Variants in DCAF6 observed in about 807,000 individuals in gnomAD.
The protein encoded by DCAF6 is DDB1- and CUL4-associated factor 6.
Under a neutral mutation model 125.1 loss-of-function variants are expected in DCAF6, and 54 were observed. The ratio of observed to expected loss-of-function variants is 0.43; its 90% CI spans 0.35 to 0.54. The LOEUF is 0.54. Ranked by LOEUF, DCAF6 falls within the 20% of genes least tolerant of loss-of-function variation. The pLI is 0.01. For missense variants in DCAF6, 934 were observed against 1,161.7 expected (o/e 0.80, Z 2.85); for synonymous variants, 371 against 390.4 (o/e 0.95, Z 0.58).
intron 2 of DCAF6, among the ~76,000 whole-genome samples, chr1:167,962,791 C>G (rs1275022889): frequency 6.6e-6 from 1 of 152,006 alleles, no homozygotes; most frequent in Non-Finnish European, 1.5e-5. Flanking sequence ...TCTGTCTCTA[C>G]TAAAAATACA....
At chr1:168,016,201 ATATT>A (rs1447108366) in intron 11 of DCAF6, among the ~76,000 whole-genome samples, 2 of 152,150 alleles carry the variant, frequency 1.3e-5, no homozygotes, top group African/African-American at 4.8e-5. Flanking sequence ...AGAGGGGCAA[ATATT>A]TATTACTTTT....
rs59674650 is a variant in DCAF6 at position 168,072,294 on chromosome 1, T to TAAAAAA, written c.2792-3051_2792-3046dup. Among the ~76,000 whole-genome samples, 163 of 41,028 alleles carry TAAAAAA rather than the reference T, an allele frequency of 4.0e-3. 1 individual carries two copies. Among genetic ancestry groups the TAAAAAA allele is most frequent in the Admixed American group, 4.7e-3 (10 of 2,108 alleles). The allele number at this position is 41,028 out of a possible 152,430, so 26.9% of individuals were successfully genotyped here. A position where few individuals can be genotyped will look rare whatever the true frequency, so the allele number is the denominator to read the frequency against. On this transcript the variant is annotated intron_variant, in intron 21 of 21. Transcript: ENST00000367840. ...CCTGGTGACAGAGGGAGAATCAGTC[T>TAAAAAA]AAAAAAAAAAAAAAAAAAAAAAAAA...
chr1:168,057,613 C>CACATA (rs778053664), intron 17 of DCAF6, among the ~76,000 whole-genome samples: 79 of 152,086 alleles, frequency 5.2e-4, no homozygotes, highest in Non-Finnish European at 9.7e-4. Context: ...GTGCTAGATA[C>CACATA]TCTGGTGGGT....
chr1:167,912,606 T>TG, the DCAF6 span, among the ~76,000 whole-genome samples: 15 of 152,366 alleles, frequency 9.8e-5, no homozygotes, highest in South Asian at 2.3e-3. Flanking sequence ...TCCACCCCAC[T>TG]GGGGGTTCCC....
the DCAF6 span, among the ~76,000 whole-genome samples, chr1:167,877,420 T>G: frequency 1.3e-5 from 2 of 151,800 alleles, no homozygotes; most frequent in Non-Finnish European, 2.9e-5. Context: ...TAAAGACACC[T>G]TGACCCAACT....
the DCAF6 span, among the ~76,000 whole-genome samples, chr1:167,907,447 G>A: frequency 6.6e-6 from 1 of 152,172 alleles, no homozygotes; most frequent in Non-Finnish European, 1.5e-5. Flanking sequence ...ACCCAAACTG[G>A]AATATTCTGG....
chr1:167,967,445 T>C (rs1676585191), intron 3 of DCAF6, among the ~76,000 whole-genome samples: 1 of 152,188 alleles, frequency 6.6e-6, no homozygotes, highest in South Asian at 2.1e-4. Flanking sequence ...TTCAGAGAAA[T>C]TAAGATACTG....
intron 12 of DCAF6, among the ~76,000 whole-genome samples, chr1:168,029,416 C>G (rs1268556353): frequency 1.3e-5 from 2 of 152,138 alleles, no homozygotes; most frequent in Admixed American, 1.3e-4. Context: ...ACGTAAATGC[C>G]TACCTACCTT....
intron 4 of DCAF6, among the ~76,000 whole-genome samples, chr1:167,976,886 G>GT (rs397981860): frequency 0.012 from 469 of 38,044 alleles, 109 homozygotes; most frequent in Non-Finnish European, 0.015. Context: ...TCCTTTAGCA[G>GT]TTTTTTTTTT....
chr1:167,920,625 C>T, the DCAF6 span: 4 of 1,613,422 alleles, frequency 2.5e-6, no homozygotes, highest in Non-Finnish European at 3.4e-6. Context: ...CCAGCACACA[C>T]CAACCCCTAC....
chr1:167,877,263 T>C, the DCAF6 span, among the ~76,000 whole-genome samples: 3 of 147,942 alleles, frequency 2.0e-5, no homozygotes, highest in African/African-American at 5.0e-5. Flanking sequence ...ATATTAAGAC[T>C]GGATTATATA....
intron 18 of DCAF6, among the ~76,000 whole-genome samples, chr1:168,065,095 G>A (rs1023529381): frequency 2.6e-5 from 4 of 152,114 alleles, no homozygotes; most frequent in African/African-American, 9.7e-5. Context: ...TATGTAAATT[G>A]CCATTATACT....
chr1:167,923,240 T>C, the DCAF6 span, among the ~76,000 whole-genome samples: 1,786 of 152,306 alleles, frequency 0.012, 27 homozygotes, highest in African/African-American at 0.04. Context: ...CAGATTCTTG[T>C]ACATCAATGT....
In DCAF6 at chr1:168,043,131, A is replaced by T; in HGVS notation, c.1834A>T (p.Ser612Cys). 2.5e-5 allele frequency: 40 copies of T among 1,611,062 alleles called. No homozygotes were observed. Among genetic ancestry groups the T allele is most frequent in the Non-Finnish European group, 3.3e-5 (39 of 1,177,966 alleles). ...QSSVQPPEGDSETKAPEESSE... is the reference protein window; with the variant it reads ...QSSVQPPEGDCETKAPEESSE... Reference sequence around the variant, plus strand: ...CTCAGTGCAACCACCAGAAGGAGACAGTGAAACAAGTAAGGTGTTATTTTG... The same window carrying T: ...CTCAGTGCAACCACCAGAAGGAGACTGTGAAACAAGTAAGGTGTTATTTTG... The change falls in exon 14 of 22, where the codon AGT becomes TGT. Residue 612 changes from serine (S) to cysteine (C), a missense_variant. Ser to Cys is a moderately radical substitution (Grantham distance 112, BLOSUM62 -1). Around this residue, in one of 5 missense-constraint regions of DCAF6, gnomAD observed 559 missense variants for 635.5 expected, o/e 0.88. Transcript: ENST00000367840.
chr1:168,065,009 A>G (rs751761453), intron 18 of DCAF6, among the ~76,000 whole-genome samples: 2 of 152,294 alleles, frequency 1.3e-5, no homozygotes, highest in Non-Finnish European at 2.9e-5. Context: ...ACAAAAGACA[A>G]TTTCTTTTAT....
chr1:167,898,724 T>C, the DCAF6 span, among the ~76,000 whole-genome samples: 1 of 152,078 alleles, frequency 6.6e-6, no homozygotes, highest in African/African-American at 2.4e-5. Flanking sequence ...GTGAGGGTTG[T>C]AGGCTGATGC....
intron 12 of DCAF6, among the ~76,000 whole-genome samples, chr1:168,036,885 G>A (rs1687883634): frequency 6.6e-6 from 1 of 152,168 alleles, no homozygotes; most frequent in South Asian, 2.1e-4. Context: ...TACCATTTGG[G>A]ATGTCAGGTT....
At chr1:167,900,850 CA>C in the DCAF6 span, among the ~76,000 whole-genome samples, 1 of 152,110 alleles carries the variant, frequency 6.6e-6, no homozygotes, top group Non-Finnish European at 1.5e-5. Context: ...AAATTTTTAA[CA>C]ACATCAAAAG....
intron 1 of DCAF6, among the ~76,000 whole-genome samples, chr1:167,938,882 G>C (rs1309636282): frequency 6.6e-6 from 1 of 152,014 alleles, no homozygotes; most frequent in African/African-American, 2.4e-5. Flanking sequence ...TTTGTGTATT[G>C]GGTCTAGGGG....
Sources: allele counts gnomAD v4.1 joint callset (sites outside exome capture counted in the v4.1 genomes callset), GRCh38; gene constraint gnomAD v4.1.1; regional missense constraint gnomAD v4.1.1; transcripts MANE v1.5; gene names NCBI Gene and HGNC (gene_info 2026-07-23, HGNC 2026-07-21).